Variants in CHODL observed in about 807,000 individuals in gnomAD.
CHODL encodes chondrolectin.
CHODL carries 29 observed loss-of-function variants against 34.5 expected under a neutral mutation model. The ratio of observed to expected loss-of-function variants is 0.84; its 90% CI spans 0.63 to 1.15. The LOEUF is 1.15. Ranked by LOEUF, CHODL falls within the 50% of genes most tolerant of loss-of-function variation. The pLI is 0.00. For missense variants in CHODL, 332 were observed against 332.5 expected (o/e 1.00, Z 0.01); for synonymous variants, 125 against 116.1 (o/e 1.08, Z -0.49).
intron 2 of CHODL, among the ~76,000 whole-genome samples, chr21:18,028,277 C>CTTCCTTCCTT (rs377144650): frequency 2.0e-5 from 2 of 98,998 alleles, no homozygotes; most frequent in African/African-American, 4.1e-5. Flanking sequence ...TTTCCTTTTC[C>CTTCCTTCCTT]CCTTCCTTCC....
At chr21:18,189,656 A>G (rs565697587) in intron 2 of CHODL, among the ~76,000 whole-genome samples, 281 of 120,412 alleles carry the variant, frequency 2.3e-3, no homozygotes, top group South Asian at 3.5e-3. Flanking sequence ...TTTTTTTGAG[A>G]TAGAGTCTCG....
intron 1 of CHODL, among the ~76,000 whole-genome samples, chr21:18,007,178 G>T (rs1461452371): frequency 1.3e-5 from 2 of 152,206 alleles, no homozygotes; most frequent in African/African-American, 4.8e-5. Flanking sequence ...TTATGCAGTT[G>T]TCTGAAGGGC....
intron 5 of CHODL, among the ~76,000 whole-genome samples, chr21:18,264,402 TAC>T (rs975263243): frequency 2.0e-5 from 3 of 151,800 alleles, no homozygotes; most frequent in African/African-American, 7.3e-5. Context: ...GGGAGTTTGA[TAC>T]CACCCTGACT....
intron 2 of CHODL, among the ~76,000 whole-genome samples, chr21:18,040,311 C>T (rs2064359797): frequency 6.6e-6 from 1 of 151,752 alleles, no homozygotes; most frequent in African/African-American, 2.4e-5. Flanking sequence ...ATTATCTTTA[C>T]AAAAGAGAAG....
chr21:17,935,353 T>A (rs1487511999), intron 1 of CHODL, among the ~76,000 whole-genome samples: 5 of 152,220 alleles, frequency 3.3e-5, no homozygotes, highest in Non-Finnish European at 7.3e-5. Context: ...ACTCAGTTGG[T>A]AAGTGGTAGA....
intron 2 of CHODL, among the ~76,000 whole-genome samples, chr21:18,157,331 C>T (rs73202904): frequency 6.6e-6 from 1 of 152,058 alleles, no homozygotes; most frequent in Non-Finnish European, 1.5e-5. Flanking sequence ...CCATTATTAC[C>T]GTTATGCACT....
chr21:18,180,778 A>G (rs2073372302), intron 2 of CHODL, among the ~76,000 whole-genome samples: 1 of 152,200 alleles, frequency 6.6e-6, no homozygotes, highest in Non-Finnish European at 1.5e-5. Context: ...AATATTGTTT[A>G]GGAGTTTCGC....
At chr21:18,163,515 T>A (rs2824670) in intron 2 of CHODL, among the ~76,000 whole-genome samples, 62,240 of 151,906 alleles carry the variant, frequency 0.41, 13,148 homozygotes, top group African/African-American at 0.51. Context: ...TTGAGGAAGA[T>A]ATAGCTAGGA....
At chr21:18,145,435 CAAAAAAA>C (rs10671177) in intron 2 of CHODL, among the ~76,000 whole-genome samples, 1 of 60,894 alleles carries the variant, frequency 1.6e-5, no homozygotes, top group Non-Finnish European at 3.3e-5. Context: ...GACTACCTTT[CAAAAAAA>C]AAAAAAAAAA....
intron 2 of CHODL, among the ~76,000 whole-genome samples, chr21:18,175,343 C>T (rs1168125617): frequency 6.6e-6 from 1 of 152,106 alleles, no homozygotes; most frequent in African/African-American, 2.4e-5. Context: ...CCTGTAATCT[C>T]AGCACTTTGG....
intron 2 of CHODL, among the ~76,000 whole-genome samples, chr21:18,187,661 T>G (rs2073459986): frequency 6.6e-6 from 1 of 152,172 alleles, no homozygotes; most frequent in Non-Finnish European, 1.5e-5. Flanking sequence ...AAAATGGCCA[T>G]CTATACTCCA....
At chr21:18,249,742 G>A (rs899539109) in intron 1 of CHODL, among the ~76,000 whole-genome samples, 1 of 152,154 alleles carries the variant, frequency 6.6e-6, no homozygotes, top group Non-Finnish European at 1.5e-5. Flanking sequence ...CCCAGCTTCA[G>A]CACTTGTGAG....
chr21:18,035,023 C>T (rs974154886), intron 2 of CHODL, among the ~76,000 whole-genome samples: 1 of 151,988 alleles, frequency 6.6e-6, no homozygotes, highest in African/African-American at 2.4e-5. Context: ...AGATGGATTG[C>T]AGAGAACCTT....
At chr21:18,172,442 A>G (rs2073243595) in intron 2 of CHODL, among the ~76,000 whole-genome samples, 1 of 152,176 alleles carries the variant, frequency 6.6e-6, no homozygotes. Flanking sequence ...GCTAGGCTAG[A>G]GTTCTTATAT....
rs1228275757 is a variant in CHODL, at chr21:18,260,181, T to C, written c.548-19T>C. 1 of 1,256,530 alleles carries C rather than the reference T, an allele frequency of 8.0e-7. No homozygotes were observed. The highest frequency in any genetic ancestry group is 1.6e-5 in the South Asian group (1 of 62,910). The allele number at this position is 1,256,530 out of a possible 1,614,324, so 77.8% of individuals were successfully genotyped here. A position where few individuals can be genotyped will look rare whatever the true frequency, so the allele number is the denominator to read the frequency against. The stretch of plus-strand genomic sequence containing the variant: ...CTTGTTTAATCATTATATATGATGG[T>C]GGTTCTTATTATTTACAGAGATTAA... On this transcript the variant is annotated intron_variant, in intron 3 of 5. Coordinates refer to ENST00000299295, the MANE Select transcript of CHODL (RefSeq NM_024944.3).
chr21:18,266,448 A>ATAAG lies in CHODL; in HGVS notation c.*412_*415dup, dbSNP rs1215042652. On this transcript the variant is annotated 3_prime_UTR_variant, in exon 6 of 6. Coordinates refer to ENST00000299295, the MANE Select transcript of CHODL (RefSeq NM_024944.3). ...GTGTGCAAAAGTATTTTACCTTTGC[A>ATAAG]TAAGTGTTTGATAAAAATGAACTGT... The ATAAG allele has an allele frequency of 4.2e-6, 1 of 235,346 alleles. No individual in the cohort carries two copies. Among genetic ancestry groups the ATAAG allele is most frequent in the Non-Finnish European group, 8.3e-6 (1 of 120,072 alleles). 14.6% of individuals were successfully genotyped at this position (235,346 alleles called of 1,614,324 possible).
chr21:18,004,994 A>G (rs2063946628), intron 1 of CHODL, among the ~76,000 whole-genome samples: 1 of 152,246 alleles, frequency 6.6e-6, no homozygotes. Flanking sequence ...TGCTGAATGT[A>G]GCTTTATATA....
At chr21:17,980,358 A>G (rs553680766) in intron 1 of CHODL, among the ~76,000 whole-genome samples, 1 of 152,300 alleles carries the variant, frequency 6.6e-6, no homozygotes, top group Non-Finnish European at 1.5e-5. Flanking sequence ...TTAGCAGTAG[A>G]AATGTACGCT....
intron 1 of CHODL, among the ~76,000 whole-genome samples, chr21:18,013,286 A>C (rs2064035958): frequency 8.3e-6 from 1 of 119,834 alleles, no homozygotes; most frequent in African/African-American, 4.7e-5. Flanking sequence ...GAGAACCCAA[A>C]ATAAGACAAT....
Sources: allele counts gnomAD v4.1 joint callset (sites outside exome capture counted in the v4.1 genomes callset), GRCh38; gene constraint gnomAD v4.1.1; transcripts MANE v1.5; gene names NCBI Gene and HGNC (gene_info 2026-07-23, HGNC 2026-07-21).